DACH2: variants seen among roughly 807,000 people sequenced by gnomAD.
DACH2 encodes dachshund family transcription factor 2.
DACH2 carries 17 observed loss-of-function variants against 35.8 expected under a neutral mutation model. That is an observed-to-expected ratio of 0.48 (90% CI 0.33 to 0.71). The LOEUF is 0.71. DACH2 is among the 30% of genes least tolerant of loss of function. The probability of loss-of-function intolerance (pLI) is 0.02; values close to 1 mark genes in which losing one functional copy is unlikely to be tolerated. For synonymous variants in DACH2, 195 were observed against 177.3 expected, an observed-to-expected ratio of 1.10 and a Z score of -0.79; for missense variants, 469 against 472.7, an observed-to-expected ratio of 0.99 and a Z score of 0.07.
At chrX:86,317,940 C>A (rs897785560) in intron 1 of DACH2, among the ~76,000 whole-genome samples, 11 of 111,590 alleles carry the variant, frequency 9.9e-5, no homozygotes, top group African/African-American at 3.6e-4. Flanking sequence ...CTTTTATTGG[C>A]TTTGCAAGTC....
intron 1 of DACH2, among the ~76,000 whole-genome samples, chrX:86,364,343 A>C (rs983257116): frequency 2.0e-5 from 2 of 99,225 alleles, no homozygotes; most frequent in African/African-American, 3.6e-5. Flanking sequence ...ATTCTTCAAA[A>C]TGTGATCACT....
chrX:86,440,533 G>T (rs1026724460), intron 2 of DACH2, among the ~76,000 whole-genome samples: 1 of 111,262 alleles, frequency 9.0e-6, no homozygotes, highest in Admixed American at 9.6e-5. Flanking sequence ...TTTTGGCAAG[G>T]TATAGTTGGA....
Position 86,261,572 on chromosome X carries a change from G to A in DACH2, c.488+112464G>A, listed in dbSNP as rs2033625754. Among the ~76,000 whole-genome samples the A allele has an allele frequency of 2.7e-5, 3 of 111,633 alleles. 1 individual carries two copies. The South Asian group carries it at 1.1e-3, about 42-fold the overall frequency. ...ATCTTCTAACCATTTAAAATTCACA[G>A]CAAAAAATGTAATGGACTTAAAACT... On this transcript the variant is annotated intron_variant, in intron 1 of 11. Transcript: ENST00000373125.
At chrX:86,679,209 G>A (rs1297263485) in intron 4 of DACH2, among the ~76,000 whole-genome samples, 2 of 111,990 alleles carry the variant, frequency 1.8e-5, no homozygotes, top group Non-Finnish European at 3.8e-5. Context: ...ACTTTGGAAG[G>A]TAATAATTGC....
chrX:86,159,823 A>G (rs1453203063), intron 1 of DACH2, among the ~76,000 whole-genome samples: 1 of 111,719 alleles, frequency 9.0e-6, no homozygotes, highest in Non-Finnish European at 1.9e-5. Context: ...TGGAAAATTA[A>G]AATAACATTG....
intron 11 of DACH2, 53 bp downstream of exon 11, chrX:86,816,152 G>A (rs1190890434): frequency 2.3e-6 from 2 of 851,441 alleles, no homozygotes; most frequent in Admixed American, 3.1e-5. Context: ...TGACCCCTGG[G>A]GATGAGGTGG....
intron 2 of DACH2, among the ~76,000 whole-genome samples, chrX:86,416,818 G>A (rs774169075): frequency 1.8e-5 from 2 of 110,472 alleles, no homozygotes; most frequent in South Asian, 7.9e-4. Context: ...TCAGGTCTTG[G>A]CCTGGTGTGG....
chrX:86,795,473 T>A (rs1397825037), intron 7 of DACH2, among the ~76,000 whole-genome samples: 1 of 111,213 alleles, frequency 9.0e-6, no homozygotes, highest in Non-Finnish European at 1.9e-5. Flanking sequence ...GACCTCATGA[T>A]CCACCTGCCT....
chrX:86,728,766 C>T (rs964319433), intron 6 of DACH2, among the ~76,000 whole-genome samples: 29 of 112,758 alleles, frequency 2.6e-4, no homozygotes, highest in African/African-American at 9.0e-4. Flanking sequence ...CCATATCCCT[C>T]GGCAGCTTCT....
At chrX:86,308,097 G>A (rs995500579) in intron 1 of DACH2, among the ~76,000 whole-genome samples, 3 of 112,358 alleles carry the variant, frequency 2.7e-5, no homozygotes, top group East Asian at 5.6e-4. Flanking sequence ...GATTGGGATC[G>A]TAGATTGTAT....
At chrX:86,418,935 C>T (rs1270194743) in intron 2 of DACH2, among the ~76,000 whole-genome samples, 1 of 111,896 alleles carries the variant, frequency 8.9e-6, no homozygotes, top group Non-Finnish European at 1.9e-5. Context: ...CTGCCAGATA[C>T]CCTCAAGTTC....
chrX:86,754,911 G>T (rs146519988), intron 7 of DACH2, among the ~76,000 whole-genome samples: 1 of 111,391 alleles, frequency 9.0e-6, no homozygotes, highest in African/African-American at 3.3e-5. Flanking sequence ...TATTTGTTTG[G>T]TATACTGATT....
intron 3 of DACH2, among the ~76,000 whole-genome samples, chrX:86,634,326 A>C (rs1345256333): frequency 1.8e-5 from 2 of 111,417 alleles, no homozygotes; most frequent in African/African-American, 6.5e-5. Flanking sequence ...AATACATAAC[A>C]AACTTACAGC....
rs146501246 is a variant in DACH2, at chrX:86,687,378, A to G, written c.773-7643A>G. 5.8e-3 allele frequency among the ~76,000 whole-genome samples: 646 copies of G among 111,760 alleles called. 6 individuals are homozygous for G. Among genetic ancestry groups the G allele is most frequent in the African/African-American group, 0.019 (596 of 30,818 alleles). On this transcript the variant is annotated intron_variant, in intron 4 of 11. Coordinates refer to ENST00000373125, the MANE Select transcript of DACH2 (RefSeq NM_053281.3). The stretch of plus-strand genomic sequence containing the variant: ...CACCAGTTAGAATGGTGATCATTAA[A>G]AAGTAAGGAAACAACAGATGCTGGA...
intron 3 of DACH2, among the ~76,000 whole-genome samples, chrX:86,541,740 T>C (rs2038885347): frequency 9.0e-6 from 1 of 111,673 alleles, no homozygotes; most frequent in South Asian, 3.7e-4. Context: ...TCTTATTTGA[T>C]CTTAACAACA....
intron 2 of DACH2, among the ~76,000 whole-genome samples, chrX:86,413,771 G>A (rs994544378): frequency 3.6e-5 from 4 of 111,289 alleles, no homozygotes; most frequent in African/African-American, 1.3e-4. Context: ...TGCGAAGTAT[G>A]TCTATGCCAA....
At chrX:86,336,251 T>C (rs910921108) in intron 1 of DACH2, among the ~76,000 whole-genome samples, 8 of 112,470 alleles carry the variant, frequency 7.1e-5, no homozygotes, top group Non-Finnish European at 1.1e-4. Context: ...ATCAGGATGA[T>C]GCTGGCCTCA....
intron 1 of DACH2, among the ~76,000 whole-genome samples, chrX:86,283,407 C>G (rs2034073879): frequency 9.0e-6 from 1 of 110,904 alleles, no homozygotes; most frequent in Non-Finnish European, 1.9e-5. Flanking sequence ...ATAAATCATT[C>G]CACATAAAGA....
chrX:86,376,972 T>C, intron 2 of DACH2, 110 bp downstream of exon 2: 1 of 327,143 alleles, frequency 3.1e-6, no homozygotes, highest in Non-Finnish European at 5.5e-6. Flanking sequence ...CTCACTAAGG[T>C]AGGAAAGTAG....
Sources: allele counts gnomAD v4.1 joint callset (sites outside exome capture counted in the v4.1 genomes callset), GRCh38; gene constraint gnomAD v4.1.1; transcripts MANE v1.5; gene names NCBI Gene and HGNC (gene_info 2026-07-23, HGNC 2026-07-21).